The following SAMD12 variants were observed in gnomAD, a reference collection of about 807,000 sequenced individuals.
SAMD12 encodes the protein sterile alpha motif domain containing 12, also known as sterile alpha motif domain-containing protein 12.
A neutral mutation model predicts 15.0 loss-of-function variants in SAMD12; 9 were observed. The ratio of observed to expected loss-of-function variants is 0.60; its 90% CI spans 0.36 to 1.05. The LOEUF (loss-of-function observed/expected upper bound fraction) is 1.05. Among genes scored for constraint, SAMD12 ranks in the 50% least tolerant of loss-of-function variants. The pLI is 0.01. For synonymous variants in SAMD12, 86 were observed against 90.1 expected, an observed-to-expected ratio of 0.96 and a Z score of 0.25; for missense variants, 230 against 234.2, an observed-to-expected ratio of 0.98 and a Z score of 0.12.
chr8:118,508,011 T>G (rs1347265372), intron 2 of SAMD12, among the ~76,000 whole-genome samples: 1 of 147,528 alleles, frequency 6.8e-6, no homozygotes, highest in African/African-American at 2.6e-5. Context: ...TTTTTTTTTT[T>G]GAGACAGGGT....
At chr8:118,516,884 C>A (rs771795097) in intron 2 of SAMD12, among the ~76,000 whole-genome samples, 1 of 152,166 alleles carries the variant, frequency 6.6e-6, no homozygotes, top group Non-Finnish European at 1.5e-5. Flanking sequence ...GGCAATCCAC[C>A]CGCCTCGGCC....
intron 4 of SAMD12, among the ~76,000 whole-genome samples, chr8:118,323,308 T>C (rs1055431610): frequency 1.1e-4 from 17 of 152,174 alleles, no homozygotes. Context: ...AGATCTAATG[T>C]ATGGGAATGA....
At chr8:118,511,959 C>T (rs1825101352) in intron 2 of SAMD12, among the ~76,000 whole-genome samples, 1 of 152,170 alleles carries the variant, frequency 6.6e-6, no homozygotes, top group Admixed American at 6.5e-5. Context: ...ATGAAATCTG[C>T]ACCTCCAACC....
At chr8:118,439,237 C>G (rs949159144) in intron 3 of SAMD12, among the ~76,000 whole-genome samples, 2 of 152,114 alleles carry the variant, frequency 1.3e-5, no homozygotes, top group Non-Finnish European at 2.9e-5. Context: ...CTATTCATCC[C>G]AAGGGCAGAG....
the SAMD12 span, among the ~76,000 whole-genome samples, chr8:118,154,743 G>C: frequency 0.012 from 1,859 of 152,234 alleles, 49 homozygotes; most frequent in African/African-American, 0.043. Flanking sequence ...GCAAACATTT[G>C]TGCAATAGAA....
At chr8:118,264,615 G>C (rs1196721058) in intron 4 of SAMD12, among the ~76,000 whole-genome samples, 2 of 152,112 alleles carry the variant, frequency 1.3e-5, no homozygotes, top group Non-Finnish European at 2.9e-5. Context: ...TGAAGTAAAT[G>C]TGCTAGAGTG....
intron 2 of SAMD12, among the ~76,000 whole-genome samples, chr8:118,485,323 A>G (rs988007876): frequency 2.0e-5 from 3 of 152,192 alleles, no homozygotes; most frequent in Non-Finnish European, 4.4e-5. Context: ...GACACATTAA[A>G]TACACTTTTC....
chr8:118,270,187 C>A (rs894526322), intron 4 of SAMD12, among the ~76,000 whole-genome samples: 1 of 152,144 alleles, frequency 6.6e-6, no homozygotes, highest in African/African-American at 2.4e-5. Flanking sequence ...ACTGGAGGTT[C>A]TTTCATATCC....
At chr8:118,261,475 A>G (rs1813075459) in intron 4 of SAMD12, among the ~76,000 whole-genome samples, 1 of 152,130 alleles carries the variant, frequency 6.6e-6, no homozygotes, top group Non-Finnish European at 1.5e-5. Flanking sequence ...TTTCAGCAAA[A>G]GTTTCCACCC....
chr8:118,220,967 G>C (rs893585391), intron 4 of SAMD12, among the ~76,000 whole-genome samples: 1 of 151,866 alleles, frequency 6.6e-6, no homozygotes, highest in Non-Finnish European at 1.5e-5. Flanking sequence ...GAAGACGTGT[G>C]GTGGAATACG....
the SAMD12 span, among the ~76,000 whole-genome samples, chr8:118,164,844 T>C: frequency 1.3e-5 from 2 of 151,790 alleles, no homozygotes; most frequent in African/African-American, 4.8e-5. Flanking sequence ...TATACATACA[T>C]ATATATATAC....
chr8:118,349,506 T>C (rs1375546426), intron 4 of SAMD12, among the ~76,000 whole-genome samples: 1 of 152,208 alleles, frequency 6.6e-6, no homozygotes, highest in African/African-American at 2.4e-5. Context: ...TCCATAACTA[T>C]TCTCACAGAT....
chr8:118,433,665 T>C (rs1344421645), intron 3 of SAMD12, among the ~76,000 whole-genome samples: 1 of 152,194 alleles, frequency 6.6e-6, no homozygotes, highest in African/African-American at 2.4e-5. Flanking sequence ...AAACAACTTA[T>C]GTTCTAATCA....
At chr8:118,598,784 A>C (rs975385621) in intron 1 of SAMD12, among the ~76,000 whole-genome samples, 28 of 152,224 alleles carry the variant, frequency 1.8e-4, no homozygotes, top group Non-Finnish European at 1.5e-5. Flanking sequence ...ACCTAAATCC[A>C]GTCAATAGTA....
chr8:118,217,110 T>G (rs901521014), intron 4 of SAMD12, among the ~76,000 whole-genome samples: 1 of 152,188 alleles, frequency 6.6e-6, no homozygotes. Flanking sequence ...TTCAAGCGAT[T>G]CTTCTGCCTC....
At chr8:118,571,767 T>A (rs977154295) in intron 2 of SAMD12, among the ~76,000 whole-genome samples, 1 of 152,116 alleles carries the variant, frequency 6.6e-6, no homozygotes, top group Non-Finnish European at 1.5e-5. Flanking sequence ...AGAAGATGTA[T>A]GGAAATGCCT....
At chr8:118,554,599 C>A (rs1030496736) in intron 2 of SAMD12, among the ~76,000 whole-genome samples, 1 of 151,654 alleles carries the variant, frequency 6.6e-6, no homozygotes, top group Non-Finnish European at 1.5e-5. Context: ...CTGGGTGCAG[C>A]GCACTAGCAT....
At chr8:118,496,265 C>G (rs530275235) in intron 2 of SAMD12, among the ~76,000 whole-genome samples, 1 of 152,038 alleles carries the variant, frequency 6.6e-6, no homozygotes, top group South Asian at 2.1e-4. Flanking sequence ...GTAGATAAAG[C>G]AATCCTGAGC....
chr8:118,463,959 T>C (rs988397127), intron 2 of SAMD12, among the ~76,000 whole-genome samples: 3 of 152,126 alleles, frequency 2.0e-5, no homozygotes, highest in Non-Finnish European at 4.4e-5. Context: ...TGAATGTCCT[T>C]AGGGAGGTCA....
Sources: gnomAD v4.1 joint callset for allele counts (sites outside exome capture counted in the v4.1 genomes callset) on GRCh38, gnomAD v4.1.1 for gene constraint, MANE v1.5 for transcripts, NCBI Gene and HGNC (gene_info 2026-07-23, HGNC 2026-07-21) for gene names.